RAB11FIP4: variants seen among roughly 807,000 people sequenced by gnomAD.
RAB11FIP4 encodes the protein rab11 family-interacting protein 4.
RAB11FIP4 carries 23 observed loss-of-function variants against 74.3 expected under a neutral mutation model. The observed-to-expected ratio is 0.31, with a 90% CI of 0.22 to 0.44. The LOEUF (loss-of-function observed/expected upper bound fraction) is 0.44. Ranked by LOEUF, RAB11FIP4 falls within the 20% of genes least tolerant of loss-of-function variation. RAB11FIP4 has a pLI of 1.00. For synonymous variants in RAB11FIP4, 360 were observed against 359.9 expected, an observed-to-expected ratio of 1.00 and a Z score of 0.00; for missense variants, 630 against 863.9, an observed-to-expected ratio of 0.73 and a Z score of 3.39.
At position 31,445,566 on chromosome 17, in the gene RAB11FIP4, ATATATATATATATTTTTT is replaced by A. The variant is rs2071450949; in HGVS notation, c.336+11446_336+11463del. ...TATATATATATATATATATATATATATATATATATATATTTTTTTTTTTTTTTTTTTTTTTTTGACACG... is the reference window on the plus strand; with the variant it reads ...TATATATATATATATATATATATATATTTTTTTTTTTTTTTTTTTGACACG... On this transcript the variant is annotated intron_variant, in intron 3 of 14. Coordinates refer to ENST00000621161, the MANE Select transcript of RAB11FIP4 (RefSeq NM_032932.6). Among the ~76,000 whole-genome samples the A allele has an allele frequency of 5.3e-3, 66 of 12,426 alleles. 2 individuals are homozygous for A. The highest frequency in any genetic ancestry group is 0.025 in the Middle Eastern group (1 of 40). The allele number at this position is 12,426 out of a possible 152,430, so 8.2% of individuals were successfully genotyped here.
intron 3 of RAB11FIP4, among the ~76,000 whole-genome samples, chr17:31,493,527 T>C (rs1055271203): frequency 1.3e-5 from 2 of 151,996 alleles, no homozygotes; most frequent in Non-Finnish European, 2.9e-5. Context: ...GACTCAAGTC[T>C]CCCTCCTAGA....
chr17:31,524,596 G>A (rs375503759), intron 9 of RAB11FIP4: 11 of 180,394 alleles, frequency 6.1e-5, no homozygotes, highest in Admixed American at 1.1e-4. Context: ...CCAGTGAGAC[G>A]TATCCCAGAC....
At chr17:31,453,352 C>T (rs178866) in intron 3 of RAB11FIP4, among the ~76,000 whole-genome samples, 70,029 of 124,096 alleles carry the variant, frequency 0.56, 20,171 homozygotes, top group African/African-American at 0.68. Flanking sequence ...AGAGACCCTA[C>T]CTCAAAAAAA....
chr17:31,493,764 C>G (rs897600727), intron 3 of RAB11FIP4, among the ~76,000 whole-genome samples: 1 of 152,094 alleles, frequency 6.6e-6, no homozygotes, highest in Non-Finnish European at 1.5e-5. Flanking sequence ...ATTTCACTTT[C>G]CCTGGCCTCA....
chr17:31,489,310 C>G (rs530627532), intron 3 of RAB11FIP4, among the ~76,000 whole-genome samples: 1 of 152,282 alleles, frequency 6.6e-6, no homozygotes, highest in African/African-American at 2.4e-5. Context: ...CAGGTCCTGG[C>G]CCAGCTGAAA....
At chr17:31,456,032 T>G (rs939784267) in intron 3 of RAB11FIP4, among the ~76,000 whole-genome samples, 1 of 152,222 alleles carries the variant, frequency 6.6e-6, no homozygotes, top group African/African-American at 2.4e-5. Flanking sequence ...CCTTTAGATT[T>G]TCCATTATCT....
intron 3 of RAB11FIP4, among the ~76,000 whole-genome samples, chr17:31,445,805 G>A (rs553620899): frequency 6.6e-6 from 1 of 150,392 alleles, no homozygotes; most frequent in African/African-American, 2.4e-5. Context: ...TGGCCAGGCT[G>A]GTCTTGAACT....
intron 3 of RAB11FIP4, among the ~76,000 whole-genome samples, chr17:31,481,474 G>A (rs1455515574): frequency 6.6e-6 from 1 of 152,186 alleles, no homozygotes; most frequent in African/African-American, 2.4e-5. Flanking sequence ...ATGGGTAGTG[G>A]CACGCAGGGT....
At chr17:31,456,862 G>A (rs1407378802) in intron 3 of RAB11FIP4, among the ~76,000 whole-genome samples, 1 of 152,202 alleles carries the variant, frequency 6.6e-6, no homozygotes, top group Non-Finnish European at 1.5e-5. Context: ...GTGGTGGGGA[G>A]GGGACTATTC....
chr17:31,412,771 T>C (rs1341858314), intron 1 of RAB11FIP4, among the ~76,000 whole-genome samples: 1 of 152,218 alleles, frequency 6.6e-6, no homozygotes, highest in Non-Finnish European at 1.5e-5. Context: ...TTTCAGGTCC[T>C]CTGCCAGGGC....
In RAB11FIP4 at chr17:31,528,625, C is replaced by T. The variant is rs376243281; in HGVS notation, c.1500C>T (p.Ile500=). The T allele has an allele frequency of 2.5e-5, 40 of 1,613,486 alleles. No individual in the cohort carries two copies. In the East Asian group the frequency reaches 2.9e-4, roughly 12 times the overall value. Reference sequence around the variant, plus strand: ...CCTGCTTCTCTCCCTCGCAGCTCATCGAGGACTTGCGGAAGGAGCTGGAGC... The same window carrying T: ...CCTGCTTCTCTCCCTCGCAGCTCATTGAGGACTTGCGGAAGGAGCTGGAGC... The part of the protein sequence containing the change: ...QKEREATQEL[I]EDLRKELEHL... Residue 500 remains isoleucine, a synonymous_variant, in exon 13 of 15, where the codon ATC becomes ATT. Transcript: ENST00000621161.
intron 3 of RAB11FIP4, among the ~76,000 whole-genome samples, chr17:31,471,914 G>A (rs1181556915): frequency 6.6e-6 from 1 of 152,132 alleles, no homozygotes; most frequent in African/African-American, 2.4e-5. Context: ...TGTAATCCCA[G>A]CACTTTGGGA....
At position 31,536,733 on chromosome 17, in the gene RAB11FIP4, C is replaced by T. The variant is rs189579642; in HGVS notation, c.*5001C>T. The T allele has an allele frequency of 9.6e-5, 34 of 354,968 alleles. No individual in the cohort carries two copies. The highest frequency in any genetic ancestry group is 9.0e-4 in the East Asian group (22 of 24,404). 22.0% of individuals were successfully genotyped at this position (354,968 alleles called of 1,614,324 possible). A position where few individuals can be genotyped will look rare whatever the true frequency, so the allele number is the denominator to read the frequency against. On this transcript the variant is annotated 3_prime_UTR_variant, in exon 15 of 15. Coordinates refer to ENST00000621161, the MANE Select transcript of RAB11FIP4 (RefSeq NM_032932.6). ...CATGAATGGGGCAGCCAGCAGGAAG[C>T]GGGAGAGGCTGGAACCAGGAGCCTG...
rs1271690420 is a variant in RAB11FIP4 at position 31,517,533 on chromosome 17, G to C, written c.337-118G>C. The C allele has an allele frequency of 4.4e-6, 4 of 917,044 alleles. No individual in the cohort carries two copies. In the African/African-American group the frequency reaches 5.0e-5, roughly 11 times the overall value. 56.8% of individuals were successfully genotyped at this position (917,044 alleles called of 1,614,324 possible). A position where few individuals can be genotyped will look rare whatever the true frequency, so the allele number is the denominator to read the frequency against. ...TCCCACGCTTAGGGTTCGGGATCTG[G>C]GCCTCCTGTACCCAATCCCTGCTGT... On this transcript the variant is annotated intron_variant, in intron 3 of 14. Coordinates refer to ENST00000621161, the MANE Select transcript of RAB11FIP4 (RefSeq NM_032932.6).
chr17:31,432,902 G>A (rs2071324338), intron 2 of RAB11FIP4, among the ~76,000 whole-genome samples: 1 of 152,154 alleles, frequency 6.6e-6, no homozygotes, highest in South Asian at 2.1e-4. Context: ...GAGGCAGGCG[G>A]ATTGCTTGAT....
chr17:31,490,898 A>G (rs2071994925), intron 3 of RAB11FIP4, among the ~76,000 whole-genome samples: 1 of 152,212 alleles, frequency 6.6e-6, no homozygotes, highest in South Asian at 2.1e-4. Flanking sequence ...TGGTGTTAGC[A>G]GTGGGGCACA....
At chr17:31,527,009 G>A (rs1359998976) in intron 10 of RAB11FIP4, 1 of 152,218 alleles carries the variant, frequency 6.6e-6, no homozygotes, top group Admixed American at 6.5e-5. Flanking sequence ...TGGAATTCCT[G>A]TGTGAACGCT....
intron 3 of RAB11FIP4, among the ~76,000 whole-genome samples, chr17:31,463,118 CGT>C (rs1474514527): frequency 6.6e-6 from 1 of 152,142 alleles, no homozygotes; most frequent in Admixed American, 6.5e-5. Context: ...CATGAGGAGG[CGT>C]TAACACATTG....
chr17:31,454,391 A>C (rs565901245), intron 3 of RAB11FIP4, among the ~76,000 whole-genome samples: 80 of 152,238 alleles, frequency 5.3e-4, no homozygotes, highest in African/African-American at 1.7e-3. Flanking sequence ...CTCCTGCCTC[A>C]GCCTCCCGAG....
Sources: allele counts gnomAD v4.1 joint callset (sites outside exome capture counted in the v4.1 genomes callset), GRCh38; gene constraint gnomAD v4.1.1; transcripts MANE v1.5; gene names NCBI Gene and HGNC (gene_info 2026-07-23, HGNC 2026-07-21).